The following IL2RB variants were observed in gnomAD, a reference collection of about 807,000 sequenced individuals.
IL2RB encodes the protein interleukin 2 receptor subunit beta.
IL2RB carries 17 observed loss-of-function variants against 44.2 expected under a neutral mutation model. That is an observed-to-expected ratio of 0.38 (90% CI 0.26 to 0.58). IL2RB has a LOEUF of 0.58. Among genes scored for constraint, IL2RB ranks in the 20% least tolerant of loss-of-function variants. IL2RB has a pLI of 0.63. For synonymous variants in IL2RB, 286 were observed against 297.9 expected (o/e 0.96, Z 0.41); for missense variants, 624 against 685.5 (o/e 0.91, Z 1.00).
At chr22:37,146,900 C>T (rs960233111) in intron 1 of IL2RB, among the ~76,000 whole-genome samples, 3 of 152,286 alleles carry the variant, frequency 2.0e-5, no homozygotes, top group Admixed American at 1.3e-4. Flanking sequence ...GGACACACAC[C>T]CTGGCCCCAA....
intron 8 of IL2RB, among the ~76,000 whole-genome samples, chr22:37,132,817 G>A (rs1488488944): frequency 6.6e-6 from 1 of 152,240 alleles, no homozygotes; most frequent in African/African-American, 2.4e-5. Flanking sequence ...AGCCAGAGTG[G>A]TCAGGGACGG....
At chr22:37,172,655 T>C (rs1923328536) in intron 1 of IL2RB, among the ~76,000 whole-genome samples, 1 of 152,224 alleles carries the variant, frequency 6.6e-6, no homozygotes, top group Non-Finnish European at 1.5e-5. Flanking sequence ...GGCTTTGTTT[T>C]GTAAGAATTT....
chr22:37,137,480 C>A, intron 6 of IL2RB, 107 bp downstream of exon 6: 1 of 1,194,626 alleles, frequency 8.4e-7, no homozygotes. Flanking sequence ...AGCCACCCAC[C>A]ATCCACCTGG....
intron 1 of IL2RB, among the ~76,000 whole-genome samples, chr22:37,173,482 A>G (rs1923354236): frequency 6.6e-6 from 1 of 152,248 alleles, no homozygotes; most frequent in Non-Finnish European, 1.5e-5. Context: ...TCTGTACTTC[A>G]CAGTTTCTTC....
chr22:37,147,437 A>C (rs1336061208), intron 1 of IL2RB, among the ~76,000 whole-genome samples: 1 of 152,236 alleles, frequency 6.6e-6, no homozygotes, highest in Non-Finnish European at 1.5e-5. Flanking sequence ...CTGGTGAACT[A>C]ATAATACTCG....
Position 37,169,581 on chromosome 22 carries a change from C to T in IL2RB, c.-34+5377G>A, listed in dbSNP as rs376942527. Among the ~76,000 whole-genome samples, 35 of 152,240 alleles carry T rather than the reference C, an allele frequency of 2.3e-4. No homozygotes were observed. The East Asian group carries it at 4.0e-3, about 18-fold the overall frequency. Reference sequence around the variant, plus strand: ...CTTCAAGGCTGTCCCTAACTGGGCCCCCTCTTGAAGATCCCCCTTTGCATC... The same window carrying T: ...CTTCAAGGCTGTCCCTAACTGGGCCTCCTCTTGAAGATCCCCCTTTGCATC... On this transcript the variant is annotated intron_variant, in intron 1 of 5. Coordinates refer to the IL2RB transcript ENST00000429622.
In IL2RB at chr22:37,128,556, G is replaced by A. The variant is rs1569039790; in HGVS notation, c.1196C>T (p.Ala399Val). ...EEDPDEGVAGAPTGSSPQPLQ... is the reference protein window; with the variant it reads ...EEDPDEGVAGVPTGSSPQPLQ... The stretch of plus-strand genomic sequence containing the variant: ...GGGTTGGGGGGAAGACCCTGTGGGT[G>A]CCCCGGCCACACCCTCATCAGGGTC... The change falls in exon 10 of 10, where the codon GCA becomes GTA. Residue 399 changes from alanine (A) to valine (V), a missense_variant. Coordinates refer to ENST00000216223, the MANE Select transcript of IL2RB (RefSeq NM_000878.5). This position sits in a 1 kb window ranked among gnomAD's most constrained non-coding sequence, Gnocchi z 4.5. 1.9e-6 allele frequency: 3 copies of A among 1,613,842 alleles called. No individual in the cohort carries two copies. The highest frequency in any genetic ancestry group is 2.5e-6 in the Non-Finnish European group (3 of 1,179,808).
At chr22:37,144,425 GTCTTCTTTGACTAGA>G (rs1399250103) in intron 1 of IL2RB, among the ~76,000 whole-genome samples, 1 of 152,190 alleles carries the variant, frequency 6.6e-6, no homozygotes, top group Non-Finnish European at 1.5e-5. Flanking sequence ...CCTTTGAGAG[GTCTTCTTTGACTAGA>G]CTACATAAAG....
intron 3 of IL2RB, 85 bp downstream of exon 3, chr22:37,143,436 G>T (rs770054856): frequency 2.3e-6 from 2 of 881,174 alleles, no homozygotes; most frequent in South Asian, 1.5e-5. Context: ...TTCTGTAAAC[G>T]TTGACTCCTT....
At chr22:37,143,990 C>A in intron 2 of IL2RB, 95 bp downstream of exon 2, 2 of 1,529,914 alleles carry the variant, frequency 1.3e-6, no homozygotes, top group South Asian at 1.2e-5. Context: ...GACACCTGGT[C>A]TCTGGCCCCA....
upstream of IL2RB, among the ~76,000 whole-genome samples, chr22:37,154,405 G>A (rs1017544784): frequency 1.3e-5 from 2 of 152,040 alleles, no homozygotes; most frequent in African/African-American, 2.4e-5. Flanking sequence ...CCCTCCTCCC[G>A]GCATCAGCTC....
intron 8 of IL2RB, 51 bp downstream of exon 8, chr22:37,135,277 T>C: frequency 8.3e-7 from 1 of 1,203,924 alleles, no homozygotes; most frequent in Non-Finnish European, 1.2e-6. Flanking sequence ...TGCATGTGTG[T>C]GCACGTTGGA....
chr22:37,155,844 T>C (rs1174954942), intron 1 of IL2RB, among the ~76,000 whole-genome samples: 1 of 152,206 alleles, frequency 6.6e-6, no homozygotes, highest in Non-Finnish European at 1.5e-5. Flanking sequence ...CGCTGCATCT[T>C]CATGGGTCCC....
chr22:37,173,545 T>C (rs1473150191), intron 1 of IL2RB, among the ~76,000 whole-genome samples: 1 of 152,254 alleles, frequency 6.6e-6, no homozygotes, highest in African/African-American at 2.4e-5. Context: ...TTTTAACATT[T>C]ATAGAGCACC....
At chr22:37,169,301 G>A (rs1432155948) in intron 1 of IL2RB, among the ~76,000 whole-genome samples, 4 of 149,612 alleles carry the variant, frequency 2.7e-5, no homozygotes, top group Non-Finnish European at 5.9e-5. Flanking sequence ...TTTACAGAGG[G>A]GTTCTTGTTT....
At chr22:37,138,483 T>A (rs1300751874) in intron 5 of IL2RB, among the ~76,000 whole-genome samples, 1 of 152,212 alleles carries the variant, frequency 6.6e-6, no homozygotes, top group Non-Finnish European at 1.5e-5. Context: ...ACTGCTTCCC[T>A]GGAGATGGCC....
chr22:37,163,904 G>A (rs1011650795), intron 1 of IL2RB, among the ~76,000 whole-genome samples: 12 of 152,226 alleles, frequency 7.9e-5, no homozygotes, highest in African/African-American at 2.7e-4. Context: ...TCCTCAGTGC[G>A]TGGAGCTGCT....
upstream of IL2RB, chr22:37,150,015 G>T: frequency 3.1e-6 from 2 of 650,640 alleles, no homozygotes; most frequent in Non-Finnish European, 3.8e-6. Flanking sequence ...GGGAGACGAG[G>T]CTTATGAGAA....
At chr22:37,137,423 G>C (rs1230948479) in intron 6 of IL2RB, among the ~76,000 whole-genome samples, 164 bp downstream of exon 6, 1 of 152,218 alleles carries the variant, frequency 6.6e-6, no homozygotes. Flanking sequence ...TAAGGACGTG[G>C]AAGTCGGGGA....
Sources: gnomAD v4.1 joint callset for allele counts (sites outside exome capture counted in the v4.1 genomes callset) on GRCh38, gnomAD v4.1.1 for gene constraint, Gnocchi (gnomAD v3.1) non-coding constraint, MANE v1.5 for transcripts, NCBI Gene and HGNC (gene_info 2026-07-23, HGNC 2026-07-21) for gene names.